Variants in ANTXR1 observed in about 807,000 individuals in gnomAD.
ANTXR1 encodes the protein ANTXR cell adhesion molecule 1.
In ANTXR1, 19 loss-of-function variants were observed where a neutral mutation model predicts 78.1. The observed-to-expected ratio is 0.24, with a 90% CI of 0.17 to 0.36. The LOEUF (loss-of-function observed/expected upper bound fraction) is 0.36, where lower values mean the gene tolerates loss of function less well. Ranked by LOEUF, ANTXR1 falls within the 10% of genes least tolerant of loss-of-function variation. The pLI is 1.00. For synonymous variants in ANTXR1, 273 were observed against 260.5 expected (o/e 1.05, Z -0.46); for missense variants, 518 against 718.6 (o/e 0.72, Z 3.19).
At chr2:69,078,725 C>G in intron 8 of ANTXR1, among the ~76,000 whole-genome samples, 1 of 152,172 alleles carries the variant, frequency 6.6e-6, no homozygotes, top group East Asian at 1.9e-4. Flanking sequence ...GTGAAAATGC[C>G]TAATACTTTT....
chr2:69,085,493 A>G (rs1249345523), intron 8 of ANTXR1, among the ~76,000 whole-genome samples: 1 of 152,202 alleles, frequency 6.6e-6, no homozygotes, highest in Non-Finnish European at 1.5e-5. Flanking sequence ...CCCTGAGGTT[A>G]CACTTATAGG....
intron 10 of ANTXR1, among the ~76,000 whole-genome samples, chr2:69,105,536 T>C (rs1558552491): frequency 6.6e-6 from 1 of 152,214 alleles, no homozygotes; most frequent in Admixed American, 6.5e-5. Context: ...CAAGAACCTG[T>C]GGAGGTAGAA....
At chr2:69,193,263 T>C (rs1674583917) in intron 16 of ANTXR1, 72 bp from the exon 17 acceptor site, 1 of 1,349,660 alleles carries the variant, frequency 7.4e-7, no homozygotes, top group African/African-American at 1.4e-5. Flanking sequence ...GCACGGAAAG[T>C]TCTGTGAGCC....
chr2:69,224,215 A>G (rs193010985), intron 17 of ANTXR1, among the ~76,000 whole-genome samples: 69 of 152,336 alleles, frequency 4.5e-4, no homozygotes, highest in Admixed American at 1.2e-3. Context: ...TCCTTTTGAT[A>G]CCATCCTCAT....
intron 13 of ANTXR1, among the ~76,000 whole-genome samples, chr2:69,165,104 G>A (rs1281863078): frequency 2.0e-5 from 3 of 152,228 alleles, no homozygotes; most frequent in East Asian, 1.9e-4. Context: ...ACTCAGGGGT[G>A]TACCCCAGAA....
At chr2:69,109,392 G>A (rs1331020750) in intron 10 of ANTXR1, among the ~76,000 whole-genome samples, 5 of 152,146 alleles carry the variant, frequency 3.3e-5, no homozygotes, top group African/African-American at 9.7e-5. Context: ...AGTTTATGTG[G>A]AAGAATAAAC....
chr2:69,088,220 T>C (rs574069848), intron 8 of ANTXR1, among the ~76,000 whole-genome samples: 1 of 152,304 alleles, frequency 6.6e-6, no homozygotes, highest in East Asian at 1.9e-4. Context: ...GATGGTTCCT[T>C]TACCAATCCC....
chr2:69,150,634 CTT>C (rs1673367184), intron 12 of ANTXR1, among the ~76,000 whole-genome samples: 2 of 146,644 alleles, frequency 1.4e-5, no homozygotes, highest in Admixed American at 1.4e-4. Context: ...ATCAGACAGT[CTT>C]TATGTCTCTC....
intron 17 of ANTXR1, among the ~76,000 whole-genome samples, chr2:69,200,450 G>T (rs1345615001): frequency 6.6e-6 from 1 of 152,220 alleles, no homozygotes; most frequent in Non-Finnish European, 1.5e-5. Flanking sequence ...CAGGAGAGAG[G>T]TTATCCTCTG....
Position 69,245,569 on chromosome 2 carries a change from G to A in ANTXR1, c.*84G>A. 6.4e-7 allele frequency: 1 copy of A among 1,574,540 alleles called. No homozygotes were observed. Among genetic ancestry groups the A allele is most frequent in the South Asian group, 1.2e-5 (1 of 86,242 alleles). ...TTTCCAGTTAGAGAAGAGGAGTGGT[G>A]ATAAAGCCCACTGACCTTCACACAT... is the stretch of plus-strand genomic sequence containing the variant. On this transcript the variant is annotated 3_prime_UTR_variant, in exon 18 of 18. Transcript: ENST00000303714.
At chr2:69,239,568 A>G (rs1675848502) in intron 17 of ANTXR1, among the ~76,000 whole-genome samples, 2 of 152,186 alleles carry the variant, frequency 1.3e-5, no homozygotes, top group South Asian at 4.1e-4. Context: ...AAAAATGTTG[A>G]TGGAATTATA....
chr2:69,056,888 A>G (rs1339799466), intron 3 of ANTXR1, among the ~76,000 whole-genome samples: 1 of 152,114 alleles, frequency 6.6e-6, no homozygotes, highest in Non-Finnish European at 1.5e-5. Flanking sequence ...CATGTTGGCC[A>G]GGCTGGTCTC....
rs1676083858 is a variant in ANTXR1 at position 69,249,149 on chromosome 2, AAT to A, written c.*3666_*3667del. ...CCCTGGAAGTTGCTTTTTTTAAAAA[AAT>A]AATAAATTTCTTAAATCAACTCTTT... On this transcript the variant is annotated 3_prime_UTR_variant, in exon 18 of 18. Coordinates refer to ENST00000303714, the MANE Select transcript of ANTXR1 (RefSeq NM_032208.3). 1 of 152,110 alleles carries A rather than the reference AAT, an allele frequency of 6.6e-6. No homozygotes were observed. The highest frequency in any genetic ancestry group is 2.4e-5 in the African/African-American group (1 of 41,428). The allele number at this position is 152,110 out of a possible 1,614,324, so 9.4% of individuals were successfully genotyped here.
chr2:69,079,348 T>A (rs1338109101), intron 8 of ANTXR1, among the ~76,000 whole-genome samples: 1 of 152,066 alleles, frequency 6.6e-6, no homozygotes, highest in Non-Finnish European at 1.5e-5. Flanking sequence ...CGATCATGGA[T>A]CCTTAAGAAG....
intron 3 of ANTXR1, among the ~76,000 whole-genome samples, chr2:69,068,141 C>G (rs999099224): frequency 6.6e-6 from 1 of 152,140 alleles, no homozygotes; most frequent in Non-Finnish European, 1.5e-5. Flanking sequence ...ATTCCCTCCA[C>G]TCACCCCTTC....
chr2:69,145,235 C>T, intron 12 of ANTXR1: 2 of 1,313,316 alleles, frequency 1.5e-6, no homozygotes, highest in Non-Finnish European at 2.1e-6. Flanking sequence ...TAGGGACCCT[C>T]ACTTGCATGG....
At chr2:69,088,819 G>A (rs1334244077) in intron 8 of ANTXR1, among the ~76,000 whole-genome samples, 2 of 152,194 alleles carry the variant, frequency 1.3e-5, no homozygotes, top group African/African-American at 4.8e-5. Flanking sequence ...TATATCCTTG[G>A]GGTCCTTGTT....
chr2:69,054,874 G>A (rs1203966490), intron 3 of ANTXR1, among the ~76,000 whole-genome samples: 1 of 152,184 alleles, frequency 6.6e-6, no homozygotes, highest in Non-Finnish European at 1.5e-5. Flanking sequence ...GTGAGGGCTT[G>A]ATGGTGAAAT....
At chr2:69,119,876 A>G (rs987620910) in intron 10 of ANTXR1, among the ~76,000 whole-genome samples, 3 of 152,224 alleles carry the variant, frequency 2.0e-5, no homozygotes, top group African/African-American at 7.2e-5. Flanking sequence ...ATAATACACC[A>G]TCCTGATAGC....
Sources: allele counts gnomAD v4.1 joint callset (sites outside exome capture counted in the v4.1 genomes callset), GRCh38; gene constraint gnomAD v4.1.1; transcripts MANE v1.5; gene names NCBI Gene and HGNC (gene_info 2026-07-23, HGNC 2026-07-21).